HSD17B12: variants seen among roughly 807,000 people sequenced by gnomAD.
HSD17B12 encodes the protein very-long-chain 3-oxoacyl-CoA reductase.
In HSD17B12, 32 loss-of-function variants were observed where a neutral mutation model predicts 39.3. That is an observed-to-expected ratio of 0.81 (90% CI 0.61 to 1.09). The LOEUF (loss-of-function observed/expected upper bound fraction) is 1.09. Ranked by LOEUF, HSD17B12 falls within the 50% of genes least tolerant of loss-of-function variation. The pLI, the probability that HSD17B12 is intolerant of heterozygous loss-of-function variation, is 0.00. For synonymous variants in HSD17B12, 150 were observed against 146.7 expected, an observed-to-expected ratio of 1.02 and a Z score of -0.16; for missense variants, 342 against 382.9, an observed-to-expected ratio of 0.89 and a Z score of 0.89.
the HSD17B12 span, among the ~76,000 whole-genome samples, chr11:43,608,855 A>G: frequency 6.6e-6 from 1 of 152,170 alleles, no homozygotes; most frequent in Non-Finnish European, 1.5e-5. Flanking sequence ...TGGGAATAAT[A>G]GTATCTCCCC....
At chr11:43,666,836 G>A in the HSD17B12 span, among the ~76,000 whole-genome samples, 1 of 152,190 alleles carries the variant, frequency 6.6e-6, no homozygotes, top group East Asian at 1.9e-4. Context: ...AACATGAGAC[G>A]ATTTTCCTAA....
intron 1 of HSD17B12, among the ~76,000 whole-genome samples, chr11:43,720,381 G>C (rs941534250): frequency 6.6e-6 from 1 of 152,178 alleles, no homozygotes; most frequent in African/African-American, 2.4e-5. Context: ...TTATGTAATT[G>C]TTAAATTAGG....
chr11:43,751,017 T>C (rs1477326384), intron 2 of HSD17B12, 60 bp downstream of exon 2: 2 of 1,092,196 alleles, frequency 1.8e-6, no homozygotes, highest in Admixed American at 2.1e-5. Context: ...TATGGGATGA[T>C]TTCTTATAGT....
chr11:43,830,916 A>G (rs1951302855), intron 6 of HSD17B12, 60 bp from the exon 7 acceptor site: 1 of 1,413,760 alleles, frequency 7.1e-7, no homozygotes, highest in Non-Finnish European at 9.9e-7. Flanking sequence ...AGTTTTCTTC[A>G]CTCTTTTTCT....
intron 6 of HSD17B12, among the ~76,000 whole-genome samples, chr11:43,826,055 T>A (rs749052894): frequency 6.6e-6 from 1 of 151,626 alleles, no homozygotes; most frequent in East Asian, 1.9e-4. Flanking sequence ...AAACTGTGTA[T>A]GATTGTATAT....
chr11:43,621,018 C>T, the HSD17B12 span, among the ~76,000 whole-genome samples: 2 of 152,176 alleles, frequency 1.3e-5, no homozygotes, highest in Non-Finnish European at 2.9e-5. Context: ...GTTAATTTTA[C>T]TTTTACTGTT....
chr11:43,769,524 C>A (rs1021845560), intron 3 of HSD17B12, among the ~76,000 whole-genome samples: 3 of 152,176 alleles, frequency 2.0e-5, no homozygotes, highest in African/African-American at 7.2e-5. Flanking sequence ...AGTTCTCATT[C>A]CACTTCTAGA....
chr11:43,599,226 C>T, the HSD17B12 span, among the ~76,000 whole-genome samples: 1 of 152,180 alleles, frequency 6.6e-6, no homozygotes, highest in Non-Finnish European at 1.5e-5. Context: ...TTTTTCCTAA[C>T]GTTCTTTTAT....
At chr11:43,734,118 A>T in intron 1 of HSD17B12, 3 of 1,309,632 alleles carry the variant, frequency 2.3e-6, no homozygotes, top group Non-Finnish European at 3.3e-6. Context: ...GCTGCCGTCC[A>T]TCACTACCAA....
intron 1 of HSD17B12, among the ~76,000 whole-genome samples, chr11:43,705,759 C>CTTTTTTTTTTTT (rs1950008218): frequency 2.0e-5 from 2 of 102,020 alleles, no homozygotes; most frequent in Non-Finnish European, 3.7e-5. Flanking sequence ...TTCCTCTCTC[C>CTTTTTTTTTTTT]TCTTTTTTTT....
At chr11:43,843,530 T>A (rs911072036) in intron 9 of HSD17B12, among the ~76,000 whole-genome samples, 1 of 152,188 alleles carries the variant, frequency 6.6e-6, no homozygotes, top group Non-Finnish European at 1.5e-5. Context: ...GCCACTCCAT[T>A]GTCCTCCCCG....
At chr11:43,640,209 A>G in the HSD17B12 span, among the ~76,000 whole-genome samples, 1 of 152,132 alleles carries the variant, frequency 6.6e-6, no homozygotes, top group Non-Finnish European at 1.5e-5. Flanking sequence ...GGGAGGGGGG[A>G]AAGCAGCACA....
Position 43,854,865 on chromosome 11 carries a change from G to A in HSD17B12, c.834+1G>A. Reference sequence around the variant, plus strand: ...TGGATACCTGATCCATGCTCTTATGGTAGGTAGATTTTTTGAATCACAAAT... The same window carrying A: ...TGGATACCTGATCCATGCTCTTATGATAGGTAGATTTTTTGAATCACAAAT... On this transcript the variant is annotated splice_donor_variant, in intron 10 of 10. Coordinates refer to ENST00000278353, the MANE Select transcript of HSD17B12 (RefSeq NM_016142.3). LOFTEE classifies it high-confidence loss of function. The A allele has an allele frequency of 6.2e-7, 1 of 1,612,910 alleles. No homozygotes were observed.
intron 9 of HSD17B12, chr11:43,853,567 C>T (rs1409865573): frequency 1.3e-5 from 2 of 152,206 alleles, no homozygotes; most frequent in Admixed American, 1.3e-4. Context: ...GTGGGAGGAT[C>T]ACATGAGCCC....
At chr11:43,585,552 TG>T in the HSD17B12 span, among the ~76,000 whole-genome samples, 1 of 152,240 alleles carries the variant, frequency 6.6e-6, no homozygotes, top group Non-Finnish European at 1.5e-5. Context: ...GACTGCTACA[TG>T]GATTTTTGGA....
chr11:43,785,359 C>A (rs1229262480), intron 3 of HSD17B12, among the ~76,000 whole-genome samples: 1 of 152,126 alleles, frequency 6.6e-6, no homozygotes, highest in Non-Finnish European at 1.5e-5. Context: ...AATACAGCGA[C>A]AGAACAATAG....
intron 1 of HSD17B12, among the ~76,000 whole-genome samples, chr11:43,685,491 A>G (rs904864411): frequency 6.6e-6 from 1 of 152,262 alleles, no homozygotes; most frequent in East Asian, 1.9e-4. Flanking sequence ...TTGACAACCC[A>G]GAAGAAATAT....
intron 1 of HSD17B12, among the ~76,000 whole-genome samples, chr11:43,700,928 T>C (rs1949958296): frequency 6.6e-6 from 1 of 152,224 alleles, no homozygotes; most frequent in Non-Finnish European, 1.5e-5. Context: ...TCCATAGTGG[T>C]TGTACTAATT....
At chr11:43,603,108 T>C in the HSD17B12 span, among the ~76,000 whole-genome samples, 1 of 152,340 alleles carries the variant, frequency 6.6e-6, no homozygotes, top group South Asian at 2.1e-4. Context: ...AGAATACTAG[T>C]TGAGTGAATT....
Sources: allele counts gnomAD v4.1 joint callset (sites outside exome capture counted in the v4.1 genomes callset), GRCh38; gene constraint gnomAD v4.1.1; transcripts MANE v1.5; gene names NCBI Gene and HGNC (gene_info 2026-07-23, HGNC 2026-07-21).